ANXA11: variants seen among roughly 807,000 people sequenced by gnomAD.
The protein encoded by ANXA11 is annexin A11.
Under a neutral mutation model 64.7 loss-of-function variants are expected in ANXA11, and 57 were observed. The observed-to-expected ratio is 0.88, with a 90% CI of 0.71 to 1.10. The LOEUF is 1.10. Among genes scored for constraint, ANXA11 ranks in the 50% least tolerant of loss-of-function variants. ANXA11 has a pLI of 0.00. For missense variants in ANXA11, 675 were observed against 670.7 expected, an observed-to-expected ratio of 1.01 and a Z score of -0.07; for synonymous variants, 260 against 265.2, an observed-to-expected ratio of 0.98 and a Z score of 0.19.
intron 1 of ANXA11, among the ~76,000 whole-genome samples, chr10:80,177,999 T>C (rs770877087): frequency 6.6e-6 from 1 of 152,196 alleles, no homozygotes; most frequent in African/African-American, 2.4e-5. Flanking sequence ...AATCTGCTCA[T>C]GGTCCAGTCT....
intron 11 of ANXA11, 47 bp downstream of exon 11, chr10:80,163,302 G>T (rs773544737): frequency 1.9e-6 from 3 of 1,605,522 alleles, no homozygotes; most frequent in South Asian, 2.2e-5. Context: ...AGAAAGCGGG[G>T]TGCATCCCTG....
At chr10:80,160,656 C>T (rs912334844) in intron 12 of ANXA11, among the ~76,000 whole-genome samples, 1 of 152,096 alleles carries the variant, frequency 6.6e-6, no homozygotes, top group African/African-American at 2.4e-5. Flanking sequence ...CCGGTGGGCT[C>T]CCCACAGTCT....
At chr10:80,190,818 C>T (rs1208086707) in intron 1 of ANXA11, among the ~76,000 whole-genome samples, 1 of 139,994 alleles carries the variant, frequency 7.1e-6, no homozygotes, top group Non-Finnish European at 1.6e-5. Context: ...TGGCCAGGCA[C>T]GGTGGCTCAC....
intron 8 of ANXA11, among the ~76,000 whole-genome samples, chr10:80,165,050 T>G (rs1488956400): frequency 6.6e-6 from 1 of 152,136 alleles, no homozygotes; most frequent in Admixed American, 6.5e-5. Flanking sequence ...TTTCTAACAC[T>G]CCACAACCAC....
At chr10:80,170,454 T>C (rs1170947026) in intron 4 of ANXA11, among the ~76,000 whole-genome samples, 2 of 152,210 alleles carry the variant, frequency 1.3e-5, no homozygotes, top group Non-Finnish European at 2.9e-5. Flanking sequence ...CACATGCACA[T>C]GCAGGTATAT....
intron 5 of ANXA11, among the ~76,000 whole-genome samples, chr10:80,168,112 C>A (rs1845818848): frequency 6.8e-6 from 1 of 148,096 alleles, no homozygotes. Flanking sequence ...GCTGGTTGGG[C>A]CACAGAACCA....
intron 3 of ANXA11, 199 bp from the exon 4 acceptor site, chr10:80,171,114 C>A: frequency 6.7e-7 from 1 of 1,492,282 alleles, no homozygotes; most frequent in Non-Finnish European, 8.9e-7. Context: ...GGAAACCTTC[C>A]CCTCTTCCCA....
chr10:80,204,844 G>C (rs868360935), intron 1 of ANXA11: 1 of 152,242 alleles, frequency 6.6e-6, no homozygotes, highest in Non-Finnish European at 1.5e-5. Flanking sequence ...TGCAATGGTA[G>C]CAGCTCCCAG....
chr10:80,187,048 T>C (rs1466954227), intron 1 of ANXA11, among the ~76,000 whole-genome samples: 3 of 152,214 alleles, frequency 2.0e-5, no homozygotes, highest in African/African-American at 7.2e-5. Context: ...CAGCACGTGA[T>C]GGGCACTCAG....
chr10:80,205,317 C>T (rs1360803080), intron 1 of ANXA11, 26 bp downstream of exon 1: 1 of 151,854 alleles, frequency 6.6e-6, no homozygotes. Context: ...TCCCAGGCCC[C>T]CAGCCGGCTC....
intron 11 of ANXA11, among the ~76,000 whole-genome samples, chr10:80,163,134 G>C (rs528131557): frequency 4.6e-5 from 7 of 152,288 alleles, no homozygotes; most frequent in Admixed American, 2.0e-4. Context: ...TATCTCACAT[G>C]TTCCCTCCTA....
chr10:80,196,566 G>A (rs1343159654), intron 1 of ANXA11, among the ~76,000 whole-genome samples: 1 of 152,176 alleles, frequency 6.6e-6, no homozygotes, highest in Non-Finnish European at 1.5e-5. Context: ...AGTGATGTGA[G>A]TGGGAGTATG....
At chr10:80,181,926 T>C (rs944456790) in intron 1 of ANXA11, among the ~76,000 whole-genome samples, 2 of 152,248 alleles carry the variant, frequency 1.3e-5, no homozygotes, top group African/African-American at 2.4e-5. Flanking sequence ...CCAGCAATCA[T>C]GCTCTTGGTA....
At chr10:80,190,942 T>G (rs952746933) in intron 1 of ANXA11, among the ~76,000 whole-genome samples, 2 of 151,656 alleles carry the variant, frequency 1.3e-5, no homozygotes, top group Non-Finnish European at 2.9e-5. Context: ...AATACAAAAA[T>G]TGGCCAGGCA....
chr10:80,159,039 C>A (rs1845398610), intron 13 of ANXA11, 61 bp downstream of exon 13: 1 of 1,301,378 alleles, frequency 7.7e-7, no homozygotes, highest in African/African-American at 1.5e-5. Flanking sequence ...AGGCGAGCAG[C>A]CTGAACACTC....
Position 80,166,175 on chromosome 10 carries a change from G to A in ANXA11, c.767C>T (p.Ser256Phe), listed in dbSNP as rs200360796. 5.0e-6 allele frequency: 8 copies of A among 1,607,542 alleles called. No homozygotes were observed. In the East Asian group the frequency reaches 6.7e-5, roughly 13 times the overall value. ...YGKDLIKDLKSELSGNFEKTI... is the reference protein window; with the variant it reads ...YGKDLIKDLKFELSGNFEKTI... ...CTTCTCAAAGTTTCCTGACAGTTCAGATTTCAGATCTTTGATCAAATCCTG... is the reference window on the plus strand; with the variant it reads ...CTTCTCAAAGTTTCCTGACAGTTCAAATTTCAGATCTTTGATCAAATCCTG... The change falls in exon 8 of 16, where the codon TCT becomes TTT. Residue 256 changes from serine (S) to phenylalanine (F), a missense_variant. Physicochemically the swap from Ser to Phe is radical, Grantham distance 155. Coordinates refer to ENST00000422982, the MANE Select transcript of ANXA11 (RefSeq NM_145868.2).
Position 80,155,711 on chromosome 10 carries a change from G to C in ANXA11, c.*142C>G. 1 of 842,598 alleles carries C rather than the reference G, an allele frequency of 1.2e-6. No homozygotes were observed. The highest frequency in any genetic ancestry group is 1.5e-5 in the South Asian group (1 of 66,558). The allele number at this position is 842,598 out of a possible 1,614,324, so 52.2% of individuals were successfully genotyped here. On this transcript the variant is annotated 3_prime_UTR_variant, in exon 16 of 16. Transcript: ENST00000422982. ...GTCCTGTGGCACACTATACGGGTCA[G>C]GAGGGGTGGAAGACAGGCCTAAGCT...
In ANXA11 at chr10:80,164,129, A is replaced by G. The variant is rs577958509; in HGVS notation, c.873T>C (p.Asp291=). The part of the protein sequence containing the change: ...IKEAIKGVGT[D]EACLIEILAS... ...CGAGGATCTCAATCAGGCAGGCTTC[A>G]TCAGTGCCAACCCCCTGCAGGGGCA... The change falls in exon 9 of 16, where the codon GAT becomes GAC. Residue 291 remains aspartate, a synonymous_variant. Transcript: ENST00000422982. 5.8e-5 allele frequency: 93 copies of G among 1,614,106 alleles called. No homozygotes were observed. In the South Asian group the frequency reaches 9.8e-4, roughly 17 times the overall value.
chr10:80,180,634 T>C (rs921869949), intron 1 of ANXA11, among the ~76,000 whole-genome samples: 6 of 139,570 alleles, frequency 4.3e-5, no homozygotes, highest in Admixed American at 2.9e-4. Flanking sequence ...GAATATTGAT[T>C]TGTATATTAG....
Sources: allele counts gnomAD v4.1 joint callset (sites outside exome capture counted in the v4.1 genomes callset), GRCh38; gene constraint gnomAD v4.1.1; transcripts MANE v1.5; gene names NCBI Gene and HGNC (gene_info 2026-07-23, HGNC 2026-07-21).